Variants in MACROD2 observed in about 807,000 individuals in gnomAD.
MACROD2 encodes ADP-ribose glycohydrolase MACROD2.
In MACROD2, 36 loss-of-function variants were observed where a neutral mutation model predicts 70.4. That is an observed-to-expected ratio of 0.51 (90% confidence interval 0.39 to 0.68). The LOEUF is 0.68. Ranked by LOEUF, MACROD2 falls within the 30% of genes least tolerant of loss-of-function variation. The pLI is 0.00. For synonymous variants in MACROD2, 172 were observed against 178.8 expected (o/e 0.96, Z 0.30); for missense variants, 496 against 538.4 (o/e 0.92, Z 0.78).
intron 5 of MACROD2, among the ~76,000 whole-genome samples, chr20:15,148,736 G>A (rs1344427310): frequency 1.3e-5 from 2 of 152,066 alleles, no homozygotes; most frequent in African/African-American, 4.8e-5. Flanking sequence ...CTGAGGACAG[G>A]CCTGACTTCT....
At chr20:15,995,098 A>G (rs989102832) in intron 15 of MACROD2, among the ~76,000 whole-genome samples, 2 of 152,144 alleles carry the variant, frequency 1.3e-5, no homozygotes, top group Non-Finnish European at 2.9e-5. Flanking sequence ...TTTTTCTACT[A>G]ACTCTAATGA....
chr20:14,787,566 C>CTTTA (rs1299221987), intron 5 of MACROD2, among the ~76,000 whole-genome samples: 1 of 152,114 alleles, frequency 6.6e-6, no homozygotes, highest in Non-Finnish European at 1.5e-5. Flanking sequence ...AATCCTTGTT[C>CTTTA]TGCTTTATCT....
At chr20:14,302,429 C>T (rs535268682) in intron 3 of MACROD2, among the ~76,000 whole-genome samples, 3 of 152,216 alleles carry the variant, frequency 2.0e-5, no homozygotes, top group South Asian at 4.2e-4. Flanking sequence ...GAGTGAAAAT[C>T]ATTGGAAGTC....
At chr20:15,855,860 A>T (rs970132867) in intron 8 of MACROD2, among the ~76,000 whole-genome samples, 1 of 152,146 alleles carries the variant, frequency 6.6e-6, no homozygotes, top group East Asian at 1.9e-4. Context: ...ATGGTTATAA[A>T]TTTTTTGTTC....
At chr20:15,997,058 C>T (rs1470728210) in intron 15 of MACROD2, among the ~76,000 whole-genome samples, 3 of 152,060 alleles carry the variant, frequency 2.0e-5, no homozygotes, top group African/African-American at 7.2e-5. Flanking sequence ...TTCTATTGGT[C>T]TGTGTGTCTG....
intron 6 of MACROD2, among the ~76,000 whole-genome samples, chr20:15,319,058 A>G (rs1034292585): frequency 6.6e-6 from 1 of 152,160 alleles, no homozygotes; most frequent in Non-Finnish European, 1.5e-5. Flanking sequence ...TATATTAAAA[A>G]TTCCAAAAAT....
chr20:14,505,732 C>T (rs1339586554), intron 4 of MACROD2, among the ~76,000 whole-genome samples: 1 of 152,152 alleles, frequency 6.6e-6, no homozygotes, highest in Non-Finnish European at 1.5e-5. Context: ...AATGCTGACC[C>T]TGCCAATCTG....
At chr20:14,553,196 T>A (rs886898880) in intron 4 of MACROD2, among the ~76,000 whole-genome samples, 21 of 151,676 alleles carry the variant, frequency 1.4e-4, no homozygotes, top group African/African-American at 4.8e-4. Context: ...TACTTAATTT[T>A]TTTTTGTTAA....
chr20:15,573,786 T>C (rs949168854), intron 8 of MACROD2, among the ~76,000 whole-genome samples: 1 of 152,132 alleles, frequency 6.6e-6, no homozygotes, highest in Non-Finnish European at 1.5e-5. Context: ...TCTCCTGCGC[T>C]TAGGGAACTC....
At chr20:15,289,646 T>G (rs1027255625) in intron 6 of MACROD2, among the ~76,000 whole-genome samples, 1 of 152,180 alleles carries the variant, frequency 6.6e-6, no homozygotes, top group Non-Finnish European at 1.5e-5. Context: ...AAATGAAATT[T>G]TATTATTTTT....
intron 5 of MACROD2, among the ~76,000 whole-genome samples, chr20:15,213,791 T>A (rs570276002): frequency 3.9e-5 from 6 of 152,186 alleles, no homozygotes; most frequent in African/African-American, 1.4e-4. Flanking sequence ...TCTGGAAGGA[T>A]GTCAGAAAGC....
At chr20:16,023,414 C>T (rs1169333390) in intron 15 of MACROD2, among the ~76,000 whole-genome samples, 3 of 135,776 alleles carry the variant, frequency 2.2e-5, no homozygotes, top group Non-Finnish European at 3.0e-5. Flanking sequence ...GTGAAGCTTG[C>T]AGTGAGCTGA....
chr20:15,272,604 C>A (rs368871501), intron 6 of MACROD2, among the ~76,000 whole-genome samples: 5 of 152,276 alleles, frequency 3.3e-5, no homozygotes, highest in African/African-American at 1.2e-4. Flanking sequence ...AAGGGCTGTT[C>A]TTTCCTTTTT....
chr20:14,275,843 A>G (rs1351837112), intron 3 of MACROD2, among the ~76,000 whole-genome samples: 2 of 152,198 alleles, frequency 1.3e-5, no homozygotes, highest in East Asian at 1.9e-4. Context: ...TTCTCAAAAG[A>G]AGACATTTAT....
chr20:14,577,559 T>C (rs1000446442), intron 4 of MACROD2, among the ~76,000 whole-genome samples: 1 of 152,012 alleles, frequency 6.6e-6, no homozygotes, highest in African/African-American at 2.4e-5. Flanking sequence ...TGGGAGCGAT[T>C]GTTTGAGGCT....
Position 15,454,835 on chromosome 20 carries a change from C to G in MACROD2, c.571+23400C>G, listed in dbSNP as rs202162311. 2.6e-5 allele frequency among the ~76,000 whole-genome samples: 4 copies of G among 152,100 alleles called. 1 individual carries two copies. The East Asian group carries it at 7.7e-4, about 29-fold the overall frequency. ...AGTGGGCTTTTAACCATTTCGCATA[C>G]TTTGAACTGTGGAGCTGACCTAGCT... On this transcript the variant is annotated intron_variant, in intron 7 of 17. Transcript: ENST00000684519.
At chr20:15,084,077 T>TTGTTTTTTTTGTTTTG (rs1555780900) in intron 5 of MACROD2, among the ~76,000 whole-genome samples, 23 of 145,708 alleles carry the variant, frequency 1.6e-4, no homozygotes, top group African/African-American at 5.7e-4. Flanking sequence ...TTTTTGTTTT[T>TTGTTTTTTTTGTTTTG]TTTTTTTAAT....
Position 15,862,794 on chromosome 20 carries a change from A to G in MACROD2, c.695A>G (p.Tyr232Cys), listed in dbSNP as rs1397888415. Residue 232 changes from tyrosine (Y) to cysteine (C), a missense_variant, in exon 9 of 18, where the codon TAC becomes TGC. Coordinates refer to ENST00000684519, the MANE Select transcript of MACROD2 (RefSeq NM_001351661.2). ...TTCTTAGAAGTTGACTTCAAAATCT[A>G]CAAAAAGAAAATGAATGAGTTTTTC... Reference protein sequence around the residue: ...CVFLEVDFKIYKKKMNEFFSV... With the variant: ...CVFLEVDFKICKKKMNEFFSV... 4 of 1,612,874 alleles carry G rather than the reference A, an allele frequency of 2.5e-6. No individual in the cohort carries two copies. In the Admixed American group the frequency reaches 6.7e-5, roughly 27 times the overall value.
At chr20:14,847,865 C>A (rs2073160183) in intron 5 of MACROD2, among the ~76,000 whole-genome samples, 2 of 152,170 alleles carry the variant, frequency 1.3e-5, no homozygotes, top group African/African-American at 4.8e-5. Context: ...TGAACTCCAA[C>A]CATTTCAGGC....
Sources: allele counts gnomAD v4.1 joint callset (sites outside exome capture counted in the v4.1 genomes callset), GRCh38; gene constraint gnomAD v4.1.1; transcripts MANE v1.5; gene names NCBI Gene and HGNC (gene_info 2026-07-23, HGNC 2026-07-21).